Variants in STXBP5L observed in about 807,000 individuals in gnomAD.
STXBP5L encodes the protein syntaxin-binding protein 5-like.
A neutral mutation model predicts 144.5 loss-of-function variants in STXBP5L; 65 were observed. The ratio of observed to expected loss-of-function variants is 0.45; its 90% CI spans 0.37 to 0.55. The LOEUF is 0.55. Among genes scored for constraint, STXBP5L ranks in the 20% least tolerant of loss-of-function variants. The pLI is 0.00. For missense variants in STXBP5L, 1,298 were observed against 1,405.5 expected (o/e 0.92, Z 1.22); for synonymous variants, 505 against 469.6 (o/e 1.08, Z -0.97).
intron 10 of STXBP5L, among the ~76,000 whole-genome samples, chr3:121,212,171 TCAC>T (rs2048599681): frequency 6.6e-6 from 1 of 152,232 alleles, no homozygotes; most frequent in Non-Finnish European, 1.5e-5. Context: ...GGTTGCCTGT[TCAC>T]TCTCATGATA....
intron 2 of STXBP5L, among the ~76,000 whole-genome samples, chr3:120,926,142 A>G (rs1324147383): frequency 6.6e-6 from 1 of 152,056 alleles, no homozygotes; most frequent in African/African-American, 2.4e-5. Flanking sequence ...CTGTGTACTT[A>G]ATTTTACCAG....
At chr3:121,203,319 T>C (rs2048210146) in intron 9 of STXBP5L, among the ~76,000 whole-genome samples, 1 of 152,194 alleles carries the variant, frequency 6.6e-6, no homozygotes, top group South Asian at 2.1e-4. Flanking sequence ...CCTTCACAAA[T>C]CTTTTAATCT....
At chr3:121,356,479 G>T (rs1327183782) in intron 20 of STXBP5L, among the ~76,000 whole-genome samples, 1 of 152,246 alleles carries the variant, frequency 6.6e-6, no homozygotes, top group Non-Finnish European at 1.5e-5. Context: ...GGCTCTGTGG[G>T]CATGGGACCT....
intron 5 of STXBP5L, 74 bp downstream of exon 5, chr3:121,045,609 A>T (rs1576763074): frequency 7.5e-6 from 10 of 1,335,796 alleles, no homozygotes; most frequent in Non-Finnish European, 1.0e-5. Flanking sequence ...TGTTAACTTG[A>T]CAGGCTTTTT....
chr3:121,257,382 G>A, intron 17 of STXBP5L, 49 bp downstream of exon 17: 1 of 1,495,486 alleles, frequency 6.7e-7, no homozygotes, highest in Non-Finnish European at 9.1e-7. Context: ...TTAATCATAT[G>A]TCTTTGAAAC....
intron 3 of STXBP5L, among the ~76,000 whole-genome samples, chr3:121,032,425 A>G (rs557389249): frequency 5.5e-4 from 84 of 152,266 alleles, no homozygotes; most frequent in Middle Eastern, 3.4e-3. Context: ...TCGTGACCTT[A>G]TTAGCCACTA....
chr3:121,093,748 G>T (rs1462146423), intron 5 of STXBP5L, among the ~76,000 whole-genome samples: 4 of 152,162 alleles, frequency 2.6e-5, no homozygotes, highest in Non-Finnish European at 4.4e-5. Context: ...AATTTTTGAA[G>T]GGTTTTTTGT....
chr3:121,007,260 A>C (rs1011884980), intron 3 of STXBP5L, among the ~76,000 whole-genome samples: 11 of 152,030 alleles, frequency 7.2e-5, no homozygotes, highest in African/African-American at 2.7e-4. Context: ...TACATTATCT[A>C]TCTTATATAT....
intron 5 of STXBP5L, 63 bp downstream of exon 5, chr3:121,045,598 T>A: frequency 1.4e-6 from 2 of 1,456,412 alleles, no homozygotes; most frequent in Non-Finnish European, 1.9e-6. Flanking sequence ...GAGCAAGTTT[T>A]TGTTAACTTG....
intron 5 of STXBP5L, among the ~76,000 whole-genome samples, chr3:121,109,349 C>T (rs1428265606): frequency 7.9e-5 from 12 of 152,010 alleles, no homozygotes; most frequent in Non-Finnish European, 1.3e-4. Context: ...TCTAGCTTTT[C>T]GATGTGGGCA....
chr3:121,378,626 C>T (rs2046250909), intron 20 of STXBP5L, 90 bp from the exon 21 acceptor site: 1 of 1,310,298 alleles, frequency 7.6e-7, no homozygotes, highest in Non-Finnish European at 1.0e-6. Flanking sequence ...GGAATTGTTG[C>T]TCATCTTCAT....
At chr3:121,409,088 T>G (rs889805899) in intron 23 of STXBP5L, among the ~76,000 whole-genome samples, 49 of 151,850 alleles carry the variant, frequency 3.2e-4, no homozygotes, top group Non-Finnish European at 2.5e-4. Context: ...GAAAAATATA[T>G]GTGGAAGGTC....
chr3:121,008,330 G>A (rs779911483), intron 3 of STXBP5L, among the ~76,000 whole-genome samples: 7 of 151,952 alleles, frequency 4.6e-5, no homozygotes, highest in Non-Finnish European at 1.0e-4. Flanking sequence ...CCAAGTGGTA[G>A]CCTTAGGTTT....
chr3:121,065,427 C>T (rs534498419), intron 5 of STXBP5L, among the ~76,000 whole-genome samples: 1 of 152,108 alleles, frequency 6.6e-6, no homozygotes, highest in African/African-American at 2.4e-5. Context: ...GTTGTTGTTA[C>T]CATATTACAC....
intron 5 of STXBP5L, among the ~76,000 whole-genome samples, chr3:121,072,801 G>A (rs2041861243): frequency 6.6e-6 from 1 of 152,108 alleles, no homozygotes; most frequent in Admixed American, 6.5e-5. Flanking sequence ...GAGCCCATAC[G>A]GCTTCTAAGA....
chr3:121,135,320 A>T (rs144503863), intron 7 of STXBP5L, among the ~76,000 whole-genome samples: 5,407 of 152,274 alleles, frequency 0.036, 145 homozygotes, highest in Middle Eastern at 0.082. Flanking sequence ...CCTTTGTCAG[A>T]TGAGTAGATT....
chr3:120,913,696 T>G (rs534944260), intron 2 of STXBP5L, among the ~76,000 whole-genome samples: 1 of 152,012 alleles, frequency 6.6e-6, no homozygotes, highest in Non-Finnish European at 1.5e-5. Flanking sequence ...AGTTTTGGTT[T>G]ATTTAAAGCA....
At chr3:120,959,724 C>T (rs1346688815) in intron 3 of STXBP5L, among the ~76,000 whole-genome samples, 1 of 152,144 alleles carries the variant, frequency 6.6e-6, no homozygotes, top group African/African-American at 2.4e-5. Context: ...GAAACTGGAT[C>T]CCTTCCTTAC....
At chr3:121,188,331 A>T (rs1226006258) in intron 9 of STXBP5L, among the ~76,000 whole-genome samples, 4 of 152,126 alleles carry the variant, frequency 2.6e-5, no homozygotes, top group African/African-American at 2.4e-5. Flanking sequence ...ATCACAACAA[A>T]CTGTCTCTCA....
Sources: allele counts gnomAD v4.1 joint callset (sites outside exome capture counted in the v4.1 genomes callset), GRCh38; gene constraint gnomAD v4.1.1; transcripts MANE v1.5; gene names NCBI Gene and HGNC (gene_info 2026-07-23, HGNC 2026-07-21).